Variants in CCDC149 observed in about 807,000 individuals in gnomAD.
CCDC149 encodes the protein coiled-coil domain containing 149, also known as coiled-coil domain-containing protein 149.
Under a neutral mutation model 59.9 loss-of-function variants are expected in CCDC149, and 45 were observed. The observed-to-expected ratio is 0.75, with a 90% CI of 0.59 to 0.96. The LOEUF (loss-of-function observed/expected upper bound fraction) is 0.96. CCDC149 is among the 40% of genes least tolerant of loss of function. The pLI is 0.00. For missense variants in CCDC149, 584 were observed against 664.7 expected, an observed-to-expected ratio of 0.88 and a Z score of 1.33; for synonymous variants, 245 against 260.6, an observed-to-expected ratio of 0.94 and a Z score of 0.58.
At chr4:24,891,982 G>A (rs993803769) in intron 1 of CCDC149, among the ~76,000 whole-genome samples, 1 of 152,170 alleles carries the variant, frequency 6.6e-6, no homozygotes, top group Admixed American at 6.5e-5. Context: ...CTGGGGGAGA[G>A]AGTGAGACCC....
chr4:24,821,800 A>G (rs1715418389), intron 10 of CCDC149, among the ~76,000 whole-genome samples: 1 of 152,236 alleles, frequency 6.6e-6, no homozygotes, highest in South Asian at 2.1e-4. Flanking sequence ...GTATCACAAA[A>G]GGAGTATTTT....
chr4:24,854,784 T>C (rs979036231), intron 3 of CCDC149, among the ~76,000 whole-genome samples: 7 of 152,194 alleles, frequency 4.6e-5, no homozygotes, highest in African/African-American at 1.7e-4. Context: ...CTCACCTCCC[T>C]GTGGTCCCCC....
At chr4:24,831,740 T>C in intron 8 of CCDC149, 90 bp from the exon 9 acceptor site, 6 of 1,172,880 alleles carry the variant, frequency 5.1e-6, no homozygotes, top group South Asian at 1.5e-5. Flanking sequence ...GATAATGATA[T>C]GTCCCCAGCT....
chr4:24,860,914 TA>T (rs572723802), intron 3 of CCDC149, among the ~76,000 whole-genome samples: 54 of 152,092 alleles, frequency 3.6e-4, no homozygotes, highest in Non-Finnish European at 7.4e-4. Flanking sequence ...CTTACTCCTA[TA>T]AGGTGTTATT....
chr4:24,916,361 G>A (rs958752238), upstream of CCDC149, among the ~76,000 whole-genome samples: 23 of 152,192 alleles, frequency 1.5e-4, no homozygotes, highest in Non-Finnish European at 2.8e-4. Context: ...AAAAACTTGA[G>A]CCAGCACAGA....
chr4:24,878,015 A>G (rs1172331900), intron 1 of CCDC149, among the ~76,000 whole-genome samples: 1 of 152,228 alleles, frequency 6.6e-6, no homozygotes, highest in Non-Finnish European at 1.5e-5. Context: ...ACACTCTGAC[A>G]TGAGTACTTT....
chr4:24,958,692 T>C (rs1723543631), intron 1 of CCDC149, among the ~76,000 whole-genome samples: 1 of 152,092 alleles, frequency 6.6e-6, no homozygotes, highest in Admixed American at 6.6e-5. Context: ...GCAGAATTAG[T>C]GAAGATCAAG....
intron 1 of CCDC149, among the ~76,000 whole-genome samples, chr4:24,911,218 G>A (rs1031519401): frequency 1.3e-5 from 2 of 152,216 alleles, no homozygotes; most frequent in African/African-American, 4.8e-5. Context: ...TCAGGGCAAG[G>A]TGAAGGTTAA....
intron 4 of CCDC149, among the ~76,000 whole-genome samples, chr4:24,839,635 C>T (rs751180576): frequency 6.6e-6 from 1 of 152,188 alleles, no homozygotes; most frequent in Non-Finnish European, 1.5e-5. Flanking sequence ...GACTCCAGAG[C>T]CAAGACCCAC....
chr4:24,877,411 T>G (rs144798271), intron 1 of CCDC149, among the ~76,000 whole-genome samples: 1,648 of 152,272 alleles, frequency 0.011, 16 homozygotes, highest in Middle Eastern at 0.048. Context: ...CTTGAATTCC[T>G]GACCTCAGGT....
chr4:24,820,615 A>G (rs1715331227), intron 11 of CCDC149, among the ~76,000 whole-genome samples: 1 of 152,182 alleles, frequency 6.6e-6, no homozygotes, highest in South Asian at 2.1e-4. Flanking sequence ...CAATGAGCAG[A>G]CAGAACAGAC....
intron 2 of CCDC149, among the ~76,000 whole-genome samples, chr4:24,874,451 G>A (rs574591498): frequency 2.8e-4 from 43 of 151,880 alleles, no homozygotes; most frequent in East Asian, 1.9e-3. Context: ...ATGTGGCGGC[G>A]GGTGCCTGTA....
upstream of CCDC149, among the ~76,000 whole-genome samples, chr4:24,915,286 T>TA (rs11412083): frequency 0.9 from 136,940 of 152,270 alleles, 62,232 homozygotes; most frequent in Non-Finnish European, 0.97. Context: ...GACCTGTGGA[T>TA]AAATAGACTG....
downstream of CCDC149, among the ~76,000 whole-genome samples, chr4:24,804,278 G>A (rs1163100908): frequency 1.3e-5 from 2 of 152,102 alleles, no homozygotes; most frequent in South Asian, 2.1e-4. Flanking sequence ...AGATCACGAG[G>A]TTGGGAGTTT....
intron 1 of CCDC149, among the ~76,000 whole-genome samples, chr4:24,884,944 CTTGG>C (rs777080396): frequency 6.6e-6 from 1 of 152,048 alleles, no homozygotes; most frequent in Non-Finnish European, 1.5e-5. Flanking sequence ...AGGGATACAT[CTTGG>C]TTGGGGATAG....
At chr4:24,850,071 T>G (rs1266924125) in intron 4 of CCDC149, among the ~76,000 whole-genome samples, 1 of 152,240 alleles carries the variant, frequency 6.6e-6, no homozygotes, top group Non-Finnish European at 1.5e-5. Flanking sequence ...AACTACTTCT[T>G]ACTCCACAAA....
At chr4:24,814,411 G>T (rs1560198186) in intron 12 of CCDC149, among the ~76,000 whole-genome samples, 2 of 152,162 alleles carry the variant, frequency 1.3e-5, no homozygotes, top group East Asian at 1.9e-4. Context: ...CCAGGATGAG[G>T]TATGTTGGTT....
At chr4:24,979,650 GA>G (rs1054067086) in intron 1 of CCDC149, among the ~76,000 whole-genome samples, 2 of 152,296 alleles carry the variant, frequency 1.3e-5, no homozygotes, top group South Asian at 4.2e-4. Context: ...TCAAAATCAG[GA>G]AACAGGGCTG....
chr4:24,899,660 C>T (rs1721046250), intron 1 of CCDC149, among the ~76,000 whole-genome samples: 1 of 152,100 alleles, frequency 6.6e-6, no homozygotes, highest in African/African-American at 2.4e-5. Context: ...GGCTCCTGTG[C>T]TCTCCCCAAG....
Sources: allele counts gnomAD v4.1 joint callset (sites outside exome capture counted in the v4.1 genomes callset), GRCh38; gene constraint gnomAD v4.1.1; transcripts MANE v1.5; gene names NCBI Gene and HGNC (gene_info 2026-07-23, HGNC 2026-07-21).